CASD1: variants seen among roughly 807,000 people sequenced by gnomAD.
CASD1 encodes N-acetylneuraminate (7)9-O-acetyltransferase.
In CASD1, 41 loss-of-function variants were observed where a neutral mutation model predicts 100.0. The observed-to-expected ratio is 0.41, with a 90% CI of 0.32 to 0.53. The LOEUF is 0.53. Among genes scored for constraint, CASD1 ranks in the 20% least tolerant of loss-of-function variants. The probability of loss-of-function intolerance (pLI) is 0.25; values close to 1 mark genes in which losing one functional copy is unlikely to be tolerated. For missense variants in CASD1, 774 were observed against 948.7 expected (o/e 0.82, Z 2.42); for synonymous variants, 321 against 315.6 (o/e 1.02, Z -0.18).
At chr7:94,570,769 A>T in the CASD1 span, among the ~76,000 whole-genome samples, 5 of 152,240 alleles carry the variant, frequency 3.3e-5, no homozygotes, top group Admixed American at 3.3e-4. Context: ...TGCTGGGATT[A>T]CAGGAATGAG....
At chr7:94,536,340 G>A (rs1795118672) in intron 8 of CASD1, among the ~76,000 whole-genome samples, 1 of 152,128 alleles carries the variant, frequency 6.6e-6, no homozygotes, top group South Asian at 2.1e-4. Context: ...CTATGGAAAG[G>A]GATTTAGGTT....
At chr7:94,579,127 A>G in the CASD1 span, among the ~76,000 whole-genome samples, 1 of 151,898 alleles carries the variant, frequency 6.6e-6, no homozygotes, top group Non-Finnish European at 1.5e-5. Context: ...GCATAGTTCA[A>G]TGCCTAGAAC....
intron 3 of CASD1, among the ~76,000 whole-genome samples, chr7:94,525,480 A>G (rs146745456): frequency 1.2e-3 from 183 of 152,270 alleles, no homozygotes; most frequent in African/African-American, 4.3e-3. Flanking sequence ...ATTTAGTTCT[A>G]CTGTGCTTTG....
intron 16 of CASD1, among the ~76,000 whole-genome samples, chr7:94,553,656 T>TAAA (rs968405337): frequency 1.3e-5 from 2 of 152,106 alleles, no homozygotes; most frequent in African/African-American, 4.8e-5. Flanking sequence ...TTGCTTTTTA[T>TAAA]AAGGAGGGTA....
In CASD1 at chr7:94,527,140, T is replaced by A. The variant is rs778873376; in HGVS notation, c.352-22T>A. The stretch of plus-strand genomic sequence containing the variant: ...TAAATTTAATCTATACATTAATATT[T>A]CTCTGTCTCCTTTTATGGCAGCATG... On this transcript the variant is annotated intron_variant, in intron 3 of 17. Coordinates refer to ENST00000297273, the MANE Select transcript of CASD1 (RefSeq NM_022900.5). The A allele has an allele frequency of 2.5e-6, 4 of 1,583,866 alleles. No homozygotes were observed. The Admixed American group carries it at 6.7e-5, about 27-fold the overall frequency.
chr7:94,585,545 GAGTT>G, the CASD1 span: 1 of 1,512,090 alleles, frequency 6.6e-7, no homozygotes, highest in Non-Finnish European at 9.2e-7. Context: ...ATATGGGCAG[GAGTT>G]AGTCAGGGCA....
intron 8 of CASD1, 39 bp from the exon 9 acceptor site, chr7:94,537,433 C>T: frequency 1.3e-6 from 2 of 1,538,040 alleles, no homozygotes; most frequent in Non-Finnish European, 1.8e-6. Context: ...AAATACATCA[C>T]TGACAAGATA....
intron 3 of CASD1, among the ~76,000 whole-genome samples, chr7:94,519,685 T>C (rs1215243700): frequency 6.6e-6 from 1 of 152,118 alleles, no homozygotes; most frequent in Non-Finnish European, 1.5e-5. Flanking sequence ...AAAAATTTTT[T>C]TAATAGAGAC....
chr7:94,583,881 A>G, the CASD1 span, among the ~76,000 whole-genome samples: 11,512 of 152,178 alleles, frequency 0.076, 518 homozygotes, highest in East Asian at 0.17. Flanking sequence ...AAACAAAAAA[A>G]CCCTTAATAG....
At chr7:94,595,981 A>G in the CASD1 span, among the ~76,000 whole-genome samples, 1 of 152,168 alleles carries the variant, frequency 6.6e-6, no homozygotes, top group African/African-American at 2.4e-5. Context: ...CATTGTGAAC[A>G]TCATCAATTA....
At chr7:94,630,512 A>G in the CASD1 span, among the ~76,000 whole-genome samples, 232 of 152,076 alleles carry the variant, frequency 1.5e-3, 1 homozygote, top group African/African-American at 5.3e-3. Context: ...ATAAGCAATA[A>G]CAATTACATA....
chr7:94,575,488 T>A, the CASD1 span, among the ~76,000 whole-genome samples: 1 of 152,162 alleles, frequency 6.6e-6, no homozygotes, highest in Non-Finnish European at 1.5e-5. Flanking sequence ...TTTTAGAGTA[T>A]GTGCCATGTG....
the CASD1 span, chr7:94,594,509 T>G: frequency 6.6e-6 from 1 of 151,954 alleles, no homozygotes; most frequent in East Asian, 1.9e-4. Flanking sequence ...CTGAGGAGAC[T>G]AAGGAGACAT....
At chr7:94,574,306 C>G in the CASD1 span, among the ~76,000 whole-genome samples, 1 of 152,096 alleles carries the variant, frequency 6.6e-6, no homozygotes, top group Admixed American at 6.6e-5. Flanking sequence ...AGGAATGATA[C>G]CAGCTCTTCT....
the CASD1 span, among the ~76,000 whole-genome samples, chr7:94,605,470 CAT>C: frequency 6.7e-6 from 1 of 149,974 alleles, no homozygotes; most frequent in African/African-American, 2.5e-5. Flanking sequence ...TATATATCTA[CAT>C]ATATGTTTAT....
At chr7:94,555,039 C>T (rs1455016393) in intron 17 of CASD1, among the ~76,000 whole-genome samples, 1 of 152,006 alleles carries the variant, frequency 6.6e-6, no homozygotes, top group Admixed American at 6.6e-5. Context: ...AAACTCATTA[C>T]ATTTTGTGTA....
At chr7:94,589,944 C>T in the CASD1 span, 11 of 152,330 alleles carry the variant, frequency 7.2e-5, no homozygotes, top group Non-Finnish European at 1.5e-4. Flanking sequence ...AAACCAGTTC[C>T]TGGTGCCAAA....
intron 1 of CASD1, among the ~76,000 whole-genome samples, chr7:94,512,097 G>A (rs1459144341): frequency 1.3e-5 from 2 of 152,156 alleles, no homozygotes; most frequent in Non-Finnish European, 2.9e-5. Context: ...ACTGAGTCAG[G>A]TGCAATGCCC....
chr7:94,565,074 T>A, the CASD1 span, among the ~76,000 whole-genome samples: 49 of 152,182 alleles, frequency 3.2e-4, no homozygotes, highest in African/African-American at 1.1e-3. Context: ...TGCCCATCTA[T>A]TTTTCCCCTA....
Sources: allele counts gnomAD v4.1 joint callset (sites outside exome capture counted in the v4.1 genomes callset), GRCh38; gene constraint gnomAD v4.1.1; transcripts MANE v1.5; gene names NCBI Gene and HGNC (gene_info 2026-07-23, HGNC 2026-07-21).